The following CDH12 variants were observed in gnomAD, a reference collection of about 807,000 sequenced individuals.
CDH12 encodes the protein cadherin 12, also known as cadherin-12.
In CDH12, 41 loss-of-function variants were observed where a neutral mutation model predicts 74.1. The ratio of observed to expected loss-of-function variants is 0.55; its 90% CI spans 0.43 to 0.72. CDH12 has a LOEUF of 0.72. Ranked by LOEUF, CDH12 falls within the 30% of genes least tolerant of loss-of-function variation. The pLI, the probability that CDH12 is intolerant of heterozygous loss-of-function variation, is 0.00. For synonymous variants in CDH12, 399 were observed against 355.0 expected (o/e 1.12, Z -1.39); for missense variants, 945 against 977.2 (o/e 0.97, Z 0.44).
rs140507793 is a variant in CDH12, at chr5:22,713,333, G to A, written c.-523+139725C>T. 2.7e-3 allele frequency among the ~76,000 whole-genome samples: 402 copies of A among 151,402 alleles called. 1 individual carries two copies. Among genetic ancestry groups the A allele is most frequent in the African/African-American group, 9.3e-3 (385 of 41,252 alleles). On this transcript the variant is annotated intron_variant, in intron 1 of 14. Transcript: ENST00000382254. The stretch of plus-strand genomic sequence containing the variant: ...TTTTTTTGTATTTTTAGTAGAGACG[G>A]GGTTTCACTATGTTGGCCAGGATGG...
chr5:22,516,699 G>A (rs1227737249), intron 1 of CDH12, among the ~76,000 whole-genome samples: 1 of 152,128 alleles, frequency 6.6e-6, no homozygotes. Context: ...CGAGACTGGA[G>A]TGGGAGGATG....
At position 22,385,884 on chromosome 5, in the gene CDH12, C is replaced by CTTT. The variant is rs969476085; in HGVS notation, c.-333+19370_-333+19372dup. 1.9e-3 allele frequency among the ~76,000 whole-genome samples: 178 copies of CTTT among 95,384 alleles called. 1 individual carries two copies. Among genetic ancestry groups the CTTT allele is most frequent in the African/African-American group, 5.5e-3 (137 of 24,962 alleles). The allele number at this position is 95,384 out of a possible 152,430, so 62.6% of individuals were successfully genotyped here. ...GGAGAGAAGGTGGAATGGCTACGCG[C>CTTT]TTTTTTTTTTTTTTTTTTTTTTTTG... On this transcript the variant is annotated intron_variant, in intron 3 of 14. Coordinates refer to ENST00000382254, the MANE Select transcript of CDH12 (RefSeq NM_004061.5).
intron 1 of CDH12, among the ~76,000 whole-genome samples, chr5:22,768,819 C>T (rs1040009758): frequency 6.6e-6 from 1 of 151,994 alleles, no homozygotes; most frequent in African/African-American, 2.4e-5. Context: ...AATCTGACAT[C>T]CTATAATTGT....
At chr5:21,791,134 C>G (rs1171049871) in intron 10 of CDH12, among the ~76,000 whole-genome samples, 2 of 152,034 alleles carry the variant, frequency 1.3e-5, no homozygotes, top group Non-Finnish European at 2.9e-5. Context: ...TTAGCCAGGT[C>G]TCAGACTACA....
At chr5:22,120,546 T>A (rs1184068540) in intron 4 of CDH12, among the ~76,000 whole-genome samples, 1 of 152,164 alleles carries the variant, frequency 6.6e-6, no homozygotes, top group African/African-American at 2.4e-5. Context: ...AGATTTTACA[T>A]TATTTTTGAC....
intron 1 of CDH12, among the ~76,000 whole-genome samples, chr5:22,811,417 G>T (rs544043612): frequency 6.6e-6 from 1 of 152,200 alleles, no homozygotes; most frequent in African/African-American, 2.4e-5. Context: ...GATATTCAGT[G>T]GCGGAAGTTG....
At chr5:22,379,508 AAAAT>A (rs1223188104) in intron 3 of CDH12, among the ~76,000 whole-genome samples, 3 of 152,188 alleles carry the variant, frequency 2.0e-5, no homozygotes, top group Non-Finnish European at 2.9e-5. Flanking sequence ...GGGATAATAT[AAAAT>A]AATGATATCT....
chr5:22,126,496 A>T (rs1450890098), intron 4 of CDH12, among the ~76,000 whole-genome samples: 2 of 152,216 alleles, frequency 1.3e-5, no homozygotes, highest in Non-Finnish European at 2.9e-5. Context: ...AAAGTAGTGC[A>T]GATTGTGTTG....
chr5:22,372,059 G>A (rs535449047), intron 3 of CDH12, among the ~76,000 whole-genome samples: 1 of 152,274 alleles, frequency 6.6e-6, no homozygotes, highest in East Asian at 1.9e-4. Flanking sequence ...GCTAATACAC[G>A]TCACTGGTCC....
At chr5:22,441,434 T>C (rs571827716) in intron 2 of CDH12, among the ~76,000 whole-genome samples, 2 of 152,296 alleles carry the variant, frequency 1.3e-5, no homozygotes, top group South Asian at 2.1e-4. Flanking sequence ...TGTGGCAATA[T>C]GCTGGACACT....
At chr5:21,807,635 T>A (rs1045139055) in intron 9 of CDH12, among the ~76,000 whole-genome samples, 2 of 152,052 alleles carry the variant, frequency 1.3e-5, no homozygotes, top group African/African-American at 4.8e-5. Context: ...TTCCAGATAA[T>A]GTTGAGTGGA....
intron 1 of CDH12, among the ~76,000 whole-genome samples, chr5:22,571,542 G>A (rs1337019508): frequency 6.6e-6 from 1 of 152,096 alleles, no homozygotes; most frequent in Non-Finnish European, 1.5e-5. Flanking sequence ...GGTCAGGCTG[G>A]TCTCGAATTC....
intron 1 of CDH12, among the ~76,000 whole-genome samples, chr5:22,801,959 T>A (rs1379421815): frequency 6.6e-6 from 1 of 151,812 alleles, no homozygotes; most frequent in Non-Finnish European, 1.5e-5. Context: ...ATTAAATGTA[T>A]GTGGACCATC....
At chr5:22,085,711 G>C (rs533629610) in intron 4 of CDH12, among the ~76,000 whole-genome samples, 1 of 151,950 alleles carries the variant, frequency 6.6e-6, no homozygotes, top group East Asian at 1.9e-4. Flanking sequence ...AAAAATCAAT[G>C]GCAGCATAAC....
chr5:22,228,054 C>T (rs6866026), intron 3 of CDH12, among the ~76,000 whole-genome samples: 57,851 of 151,810 alleles, frequency 0.38, 11,417 homozygotes, highest in East Asian at 0.49. Context: ...GATTTCACTT[C>T]TCCAAATGTA....
At chr5:22,401,377 T>A (rs1237386755) in intron 3 of CDH12, among the ~76,000 whole-genome samples, 1 of 152,226 alleles carries the variant, frequency 6.6e-6, no homozygotes, top group Non-Finnish European at 1.5e-5. Context: ...AGCAATCATC[T>A]ATTACTAATG....
At chr5:22,454,862 C>T (rs943070180) in intron 2 of CDH12, among the ~76,000 whole-genome samples, 2 of 152,106 alleles carry the variant, frequency 1.3e-5, no homozygotes, top group African/African-American at 4.8e-5. Context: ...TCAAAAACTC[C>T]ACCTCCAAAT....
chr5:21,931,316 G>C (rs1389138364), intron 6 of CDH12, among the ~76,000 whole-genome samples: 1 of 152,132 alleles, frequency 6.6e-6, no homozygotes, highest in Non-Finnish European at 1.5e-5. Context: ...TCCCAGCTGG[G>C]ATTACAGCTG....
chr5:21,825,546 ACC>A (rs71607557), intron 8 of CDH12, among the ~76,000 whole-genome samples: 1 of 152,080 alleles, frequency 6.6e-6, no homozygotes, highest in African/African-American at 2.4e-5. Context: ...GATTCTAGTT[ACC>A]CCCATCATTT....
Sources: gnomAD v4.1 joint callset for allele counts (sites outside exome capture counted in the v4.1 genomes callset) on GRCh38, gnomAD v4.1.1 for gene constraint, MANE v1.5 for transcripts, NCBI Gene and HGNC (gene_info 2026-07-23, HGNC 2026-07-21) for gene names.